DACH2: variants seen among roughly 807,000 people sequenced by gnomAD.
The protein encoded by DACH2 is dachshund homolog 2.
Under a neutral mutation model 35.8 loss-of-function variants are expected in DACH2, and 17 were observed. The ratio of observed to expected loss-of-function variants is 0.48; its 90% CI spans 0.33 to 0.71. The LOEUF (loss-of-function observed/expected upper bound fraction) is 0.71, where lower values mean the gene tolerates loss of function less well. Ranked by LOEUF, DACH2 falls within the 30% of genes least tolerant of loss-of-function variation. The pLI is 0.02. For synonymous variants in DACH2, 195 were observed against 177.3 expected (o/e 1.10, Z -0.79); for missense variants, 469 against 472.7 (o/e 0.99, Z 0.07).
At chrX:86,802,648 G>A (rs2147338712) in intron 7 of DACH2, among the ~76,000 whole-genome samples, 1 of 109,611 alleles carries the variant, frequency 9.1e-6, no homozygotes, top group East Asian at 2.9e-4. Flanking sequence ...AAGACTAAAA[G>A]CAAACCTATA....
chrX:86,281,502 A>G (rs2034027496), intron 1 of DACH2, among the ~76,000 whole-genome samples: 1 of 111,768 alleles, frequency 8.9e-6, no homozygotes, highest in African/African-American at 3.3e-5. Flanking sequence ...AACATATCTC[A>G]AAATAATGAG....
rs191026480 is a variant in DACH2, at chrX:86,435,482, T to C, written c.527+58620T>C. On this transcript the variant is annotated intron_variant, in intron 2 of 11. Transcript: ENST00000373125. ...CACATAATAAAATATTAAAACAAAATTGAATCAAAGCAAATGTGACTTAAA... is the reference window on the plus strand; with the variant it reads ...CACATAATAAAATATTAAAACAAAACTGAATCAAAGCAAATGTGACTTAAA... Among the ~76,000 whole-genome samples the C allele has an allele frequency of 5.1e-3, 567 of 111,937 alleles. 5 individuals carry two copies. Among genetic ancestry groups the C allele is most frequent in the African/African-American group, 0.017 (539 of 30,855 alleles).
At chrX:86,688,487 G>A (rs1185432338) in intron 4 of DACH2, among the ~76,000 whole-genome samples, 1 of 111,754 alleles carries the variant, frequency 8.9e-6, no homozygotes, top group Non-Finnish European at 1.9e-5. Context: ...TAAGCACAGA[G>A]TGAATGGTTA....
At chrX:86,656,230 A>T (rs771554807) in intron 4 of DACH2, among the ~76,000 whole-genome samples, 5 of 111,452 alleles carry the variant, frequency 4.5e-5, no homozygotes, top group Non-Finnish European at 9.4e-5. Context: ...TTTATGTTTG[A>T]TTACTAGAAA....
intron 2 of DACH2, among the ~76,000 whole-genome samples, chrX:86,460,391 T>C (rs1569409530): frequency 2.7e-5 from 3 of 111,016 alleles, no homozygotes; most frequent in Admixed American, 1.9e-4. Flanking sequence ...TATACTCTTA[T>C]TATTAGTAGA....
At chrX:86,591,944 T>G (rs190113281) in intron 3 of DACH2, among the ~76,000 whole-genome samples, 14 of 112,037 alleles carry the variant, frequency 1.2e-4, no homozygotes, top group Admixed American at 1.1e-3. Context: ...TTTGTAAGAT[T>G]CGTTTCTGGC....
At chrX:86,775,653 C>T (rs1681110250) in intron 7 of DACH2, among the ~76,000 whole-genome samples, 1 of 111,758 alleles carries the variant, frequency 8.9e-6, no homozygotes, top group Admixed American at 9.5e-5. Flanking sequence ...GTGCTCAGTT[C>T]ATACTGTTAT....
chrX:86,302,886 A>G (rs1224292678), intron 1 of DACH2, among the ~76,000 whole-genome samples: 2 of 109,554 alleles, frequency 1.8e-5, no homozygotes, highest in South Asian at 4.0e-4. Context: ...ATAAATGATA[A>G]TAATAACCAA....
intron 2 of DACH2, among the ~76,000 whole-genome samples, chrX:86,427,281 A>G (rs768643988): frequency 1.8e-5 from 2 of 111,133 alleles, no homozygotes; most frequent in Non-Finnish European, 3.8e-5. Context: ...GGGTTTTTAG[A>G]TTTTTTCCAG....
At chrX:86,258,309 G>A (rs1214465545) in intron 1 of DACH2, among the ~76,000 whole-genome samples, 1 of 111,429 alleles carries the variant, frequency 9.0e-6, no homozygotes, top group Non-Finnish European at 1.9e-5. Flanking sequence ...TGAGGAAATT[G>A]AAAGCACACA....
At chrX:86,478,521 G>GT (rs1358006886) in intron 2 of DACH2, among the ~76,000 whole-genome samples, 1 of 100,111 alleles carries the variant, frequency 1.0e-5, no homozygotes, top group Non-Finnish European at 2.1e-5. Flanking sequence ...GCTGCTTTTA[G>GT]TTTTTTTCTT....
chrX:86,314,567 C>A (rs1324302924), intron 1 of DACH2, among the ~76,000 whole-genome samples: 1 of 111,582 alleles, frequency 9.0e-6, no homozygotes. Context: ...TTGTGGAAAA[C>A]CTCTAAGATA....
intron 3 of DACH2, among the ~76,000 whole-genome samples, chrX:86,621,587 T>C (rs1198574595): frequency 1.8e-5 from 2 of 111,739 alleles, no homozygotes; most frequent in Admixed American, 9.5e-5. Context: ...CGAGTTAGAT[T>C]AAAGCTTTGT....
chrX:86,546,552 T>C, intron 3 of DACH2, among the ~76,000 whole-genome samples: 1 of 95,907 alleles, frequency 1.0e-5, no homozygotes, highest in African/African-American at 4.0e-5. Context: ...TCTCCCACTG[T>C]CACCCAGGCC....
intron 3 of DACH2, among the ~76,000 whole-genome samples, chrX:86,599,318 CTTCT>C (rs1256389980): frequency 9.0e-6 from 1 of 110,878 alleles, no homozygotes; most frequent in Non-Finnish European, 1.9e-5. Context: ...TGCCTCTTTT[CTTCT>C]TTCTTTCTCT....
intron 3 of DACH2, among the ~76,000 whole-genome samples, chrX:86,649,213 C>A (rs1729807088): frequency 1.8e-5 from 2 of 110,875 alleles, no homozygotes; most frequent in African/African-American, 3.3e-5. Context: ...AACGAATTTT[C>A]TTTATCTGTG....
intron 1 of DACH2, among the ~76,000 whole-genome samples, chrX:86,312,696 C>G (rs1289806736): frequency 8.9e-6 from 1 of 111,881 alleles, no homozygotes; most frequent in Non-Finnish European, 1.9e-5. Flanking sequence ...TTCTCCCTTG[C>G]TGGATGCTCC....
At chrX:86,687,939 G>A (rs1260415882) in intron 4 of DACH2, among the ~76,000 whole-genome samples, 23 of 110,890 alleles carry the variant, frequency 2.1e-4, no homozygotes. Context: ...AATACCTAAT[G>A]TAGGTGACGG....
In DACH2 at chrX:86,376,855, G is replaced by A. The variant is rs948863380; in HGVS notation, c.520G>A (p.Val174Ile). ...GAGGCAAATGACAAGAAAACAAGCT[G>A]TTAACAGGTATTTATGTATTTATTT... ...RKRQMTRKQA[V>I]NSSRPGRPPK... The change falls in exon 2 of 12, where the codon GTT becomes ATT. Residue 174 changes from valine to isoleucine, a missense_variant. Coordinates refer to ENST00000373125, the MANE Select transcript of DACH2 (RefSeq NM_053281.3). 1 of 810,801 alleles carries A rather than the reference G, an allele frequency of 1.2e-6. No individual in the cohort carries two copies. The highest frequency in any genetic ancestry group is 1.8e-6 in the Non-Finnish European group (1 of 541,296). The allele number at this position is 810,801 out of a possible 1,213,427, so 66.8% of individuals were successfully genotyped here.
Sources: gnomAD v4.1 joint callset for allele counts (sites outside exome capture counted in the v4.1 genomes callset) on GRCh38, gnomAD v4.1.1 for gene constraint, MANE v1.5 for transcripts, NCBI Gene and HGNC (gene_info 2026-07-23, HGNC 2026-07-21) for gene names.